Variants in PLCB1 observed in about 807,000 individuals in gnomAD.
PLCB1 encodes the protein phospholipase C beta 1, also known as 1-phosphatidylinositol 4,5-bisphosphate phosphodiesterase beta-1.
Under a neutral mutation model 161.8 loss-of-function variants are expected in PLCB1, and 46 were observed. That is an observed-to-expected ratio of 0.28 (90% confidence interval 0.22 to 0.36). The LOEUF (loss-of-function observed/expected upper bound fraction) is 0.36, where lower values mean the gene tolerates loss of function less well. Among genes scored for constraint, PLCB1 ranks in the 10% least tolerant of loss-of-function variants. The pLI, the probability that PLCB1 is intolerant of heterozygous loss-of-function variation, is 1.00. For missense variants in PLCB1, 1,016 were observed against 1,472.5 expected (o/e 0.69, Z 5.07); for synonymous variants, 517 against 503.7 (o/e 1.03, Z -0.35).
chr20:8,621,060 C>T (rs17365739), intron 3 of PLCB1, among the ~76,000 whole-genome samples: 45,459 of 152,044 alleles, frequency 0.3, 8,238 homozygotes, highest in Non-Finnish European at 0.4. Context: ...GGAGATGCTG[C>T]GGACTCATTG....
At chr20:8,430,066 A>G (rs1979967850) in intron 3 of PLCB1, among the ~76,000 whole-genome samples, 1 of 152,004 alleles carries the variant, frequency 6.6e-6, no homozygotes, top group Admixed American at 6.5e-5. Flanking sequence ...ATGGTGCCTG[A>G]TGAAGCCTAA....
chr20:8,757,200 G>A lies in PLCB1; in HGVS notation c.2656+22G>A, dbSNP rs374069438. ...CCAGGTAAGCCATCTGGAAAGAGCTGGACAACATGAGCAAGATCCTCCAGT... is the reference window on the plus strand; with the variant it reads ...CCAGGTAAGCCATCTGGAAAGAGCTAGACAACATGAGCAAGATCCTCCAGT... On this transcript the variant is annotated intron_variant, in intron 24 of 31. Coordinates refer to ENST00000338037, the MANE Select transcript of PLCB1 (RefSeq NM_015192.4). 10 of 1,595,410 alleles carry A rather than the reference G, an allele frequency of 6.3e-6. No individual in the cohort carries two copies. In the African/African-American group the frequency reaches 1.2e-4, roughly 19 times the overall value.
At chr20:8,802,896 C>G (rs1291362715) in intron 31 of PLCB1, among the ~76,000 whole-genome samples, 1 of 152,146 alleles carries the variant, frequency 6.6e-6, no homozygotes, top group Non-Finnish European at 1.5e-5. Flanking sequence ...AGAAAACTAG[C>G]ATAAGCCATT....
chr20:8,811,095 T>G (rs1023200795), intron 31 of PLCB1, among the ~76,000 whole-genome samples: 1 of 152,150 alleles, frequency 6.6e-6, no homozygotes, highest in Non-Finnish European at 1.5e-5. Context: ...AAGCAGTGCA[T>G]GAGTATGAAG....
At chr20:8,647,646 CA>C (rs1278176190) in intron 5 of PLCB1, among the ~76,000 whole-genome samples, 4 of 152,126 alleles carry the variant, frequency 2.6e-5, no homozygotes, top group Non-Finnish European at 4.4e-5. Flanking sequence ...CAAAAACAGG[CA>C]AAAGTAATCT....
intron 3 of PLCB1, among the ~76,000 whole-genome samples, chr20:8,573,087 G>C (rs1243968358): frequency 6.6e-6 from 1 of 152,174 alleles, no homozygotes; most frequent in Non-Finnish European, 1.5e-5. Context: ...GGCCAGAAAA[G>C]TAGGAGGATA....
intron 2 of PLCB1, among the ~76,000 whole-genome samples, chr20:8,284,712 C>A (rs994136040): frequency 6.6e-5 from 10 of 152,154 alleles, no homozygotes; most frequent in African/African-American, 2.4e-4. Context: ...CATTTCATAA[C>A]TTCCCCTGGG....
chr20:8,432,391 C>T (rs927572679), intron 3 of PLCB1, among the ~76,000 whole-genome samples: 3 of 152,196 alleles, frequency 2.0e-5, no homozygotes, highest in Admixed American at 6.5e-5. Flanking sequence ...TCCCACCTGG[C>T]TGTCTCATCT....
At chr20:8,311,522 C>T (rs1042817221) in intron 2 of PLCB1, among the ~76,000 whole-genome samples, 6 of 152,216 alleles carry the variant, frequency 3.9e-5, no homozygotes, top group Middle Eastern at 3.4e-3. Context: ...TTTTTAGAAA[C>T]GAGAGAAAAG....
At chr20:8,389,462 C>A (rs1305183568) in intron 3 of PLCB1, among the ~76,000 whole-genome samples, 1 of 152,190 alleles carries the variant, frequency 6.6e-6, no homozygotes, top group East Asian at 1.9e-4. Flanking sequence ...AACATTCTCA[C>A]GGAGGCCCAG....
At chr20:8,790,680 CTT>C (rs1219475809) in intron 31 of PLCB1, among the ~76,000 whole-genome samples, 4 of 152,130 alleles carry the variant, frequency 2.6e-5, no homozygotes, top group Admixed American at 1.3e-4. Flanking sequence ...ACCAAAATCA[CTT>C]TGGTTTTTAT....
chr20:8,387,295 C>T (rs1987452288), intron 3 of PLCB1, among the ~76,000 whole-genome samples: 1 of 152,108 alleles, frequency 6.6e-6, no homozygotes, highest in Non-Finnish European at 1.5e-5. Flanking sequence ...TTCACTTGTA[C>T]ACTTAGAGGC....
chr20:8,828,144 G>A (rs1198860127), intron 31 of PLCB1, among the ~76,000 whole-genome samples: 1 of 152,040 alleles, frequency 6.6e-6, no homozygotes, highest in Non-Finnish European at 1.5e-5. Context: ...GGGATATCCT[G>A]CATTGGGGGG....
At chr20:8,586,895 C>T (rs1214397094) in intron 3 of PLCB1, among the ~76,000 whole-genome samples, 1 of 152,096 alleles carries the variant, frequency 6.6e-6, no homozygotes, top group African/African-American at 2.4e-5. Flanking sequence ...AAGCTGGGGC[C>T]CTCAAGTAAG....
chr20:8,305,931 A>G (rs189997569), intron 2 of PLCB1: 1 of 152,294 alleles, frequency 6.6e-6, no homozygotes, highest in East Asian at 1.9e-4. Flanking sequence ...GTGGGCTGCT[A>G]AGGTAAATTG....
At position 8,207,920 on chromosome 20, in the gene PLCB1, G is replaced by A. The variant is rs965181049; in HGVS notation, c.177+57549G>A. Among the ~76,000 whole-genome samples the A allele has an allele frequency of 5.4e-4, 82 of 152,176 alleles. 1 individual carries two copies. The highest frequency in any genetic ancestry group is 2.0e-3 in the African/African-American group (81 of 41,528). On this transcript the variant is annotated intron_variant, in intron 2 of 31. Coordinates refer to ENST00000338037, the MANE Select transcript of PLCB1 (RefSeq NM_015192.4). ...TAACTGCCTCCTTTCTCCTCCTGCA[G>A]CTTTTAAATTGTAGATAAATATTTT...
At chr20:8,446,706 CAT>C (rs1300453900) in intron 3 of PLCB1, among the ~76,000 whole-genome samples, 2 of 152,090 alleles carry the variant, frequency 1.3e-5, no homozygotes, top group African/African-American at 4.8e-5. Context: ...GTTAGGAACA[CAT>C]AGGAAAAATC....
At chr20:8,214,449 C>G (rs886832685) in intron 2 of PLCB1, among the ~76,000 whole-genome samples, 3 of 152,128 alleles carry the variant, frequency 2.0e-5, no homozygotes, top group Non-Finnish European at 2.9e-5. Context: ...CCTTTGCCTT[C>G]TGCCATGATT....
In PLCB1 at chr20:8,618,564, T is replaced by C. The variant is rs185299117; in HGVS notation, c.247-9730T>C. Reference sequence around the variant, plus strand: ...TCTGGTGATAGCTTTTACAATCATATAACATAACTAACAATAGACACAATC... The same window carrying C: ...TCTGGTGATAGCTTTTACAATCATACAACATAACTAACAATAGACACAATC... On this transcript the variant is annotated intron_variant, in intron 3 of 31. Coordinates refer to ENST00000338037, the MANE Select transcript of PLCB1 (RefSeq NM_015192.4). 1.5e-3 allele frequency among the ~76,000 whole-genome samples: 230 copies of C among 152,240 alleles called. 4 individuals carry two copies. Among genetic ancestry groups the C allele is most frequent in the African/African-American group, 5.2e-3 (216 of 41,530 alleles).
Sources: allele counts gnomAD v4.1 joint callset (sites outside exome capture counted in the v4.1 genomes callset), GRCh38; gene constraint gnomAD v4.1.1; transcripts MANE v1.5; gene names NCBI Gene and HGNC (gene_info 2026-07-23, HGNC 2026-07-21).